The following RAB5A variants were observed in gnomAD, a reference collection of about 807,000 sequenced individuals.
RAB5A encodes RAB5A, member RAS oncogene family.
Under a neutral mutation model 25.7 loss-of-function variants are expected in RAB5A, and 8 were observed. The observed-to-expected ratio is 0.31, with a 90% CI of 0.18 to 0.56. The LOEUF (loss-of-function observed/expected upper bound fraction) is 0.56. Ranked by LOEUF, RAB5A falls within the 20% of genes least tolerant of loss-of-function variation. RAB5A has a pLI of 0.91. For synonymous variants in RAB5A, 98 were observed against 89.8 expected (o/e 1.09, Z -0.52); for missense variants, 192 against 259.7 (o/e 0.74, Z 1.79).
At chr3:19,969,034 TTTTTTTTTTGG>T (rs761124858) in intron 2 of RAB5A, among the ~76,000 whole-genome samples, 46 of 96,056 alleles carry the variant, frequency 4.8e-4, no homozygotes, top group African/African-American at 2.4e-3. Context: ...GGTTTTGGTT[TTTTTTTTTTGG>T]TTTTTTTTTT....
chr3:19,965,299 A>G (rs545635778), intron 2 of RAB5A, among the ~76,000 whole-genome samples: 12 of 152,058 alleles, frequency 7.9e-5, no homozygotes, highest in African/African-American at 2.7e-4. Context: ...GTGTGTGCCT[A>G]TAGTCCCAAC....
In RAB5A at chr3:19,975,905, A is replaced by C. The variant is rs973711759; in HGVS notation, c.316-142A>C. The C allele has an allele frequency of 1.5e-5, 21 of 1,364,370 alleles. 1 individual carries two copies. Among genetic ancestry groups the C allele is most frequent in the Admixed American group, 2.6e-5 (1 of 38,278 alleles). 84.5% of individuals were successfully genotyped at this position (1,364,370 alleles called of 1,614,324 possible). ...TTAGAAAATCTGGTTTTAAAAAAAA[A>C]CGAAAATGTCTCATAATACAATAGT... On this transcript the variant is annotated intron_variant, in intron 3 of 5. Coordinates refer to ENST00000273047, the MANE Select transcript of RAB5A (RefSeq NM_004162.5).
rs1158272289 is a variant in RAB5A, at chr3:19,983,923, G to T, written c.*100G>T. 15 of 792,138 alleles carry T rather than the reference G, an allele frequency of 1.9e-5. No individual in the cohort carries two copies. The highest frequency in any genetic ancestry group is 3.1e-5 in the Non-Finnish European group (15 of 489,140). The allele number at this position is 792,138 out of a possible 1,614,324, so 49.1% of individuals were successfully genotyped here. A position where few individuals can be genotyped will look rare whatever the true frequency, so the allele number is the denominator to read the frequency against. ...CAGCCCAGTATGACTTCCAAAAGAA[G>T]AGACTTATGATAGAGTCAAGTTTCT... On this transcript the variant is annotated 3_prime_UTR_variant, in exon 6 of 6. Transcript: ENST00000273047.
intron 2 of RAB5A, among the ~76,000 whole-genome samples, chr3:19,955,016 T>C (rs6778866): frequency 0.2 from 30,975 of 152,112 alleles, 3,833 homozygotes; most frequent in African/African-American, 0.34. Flanking sequence ...CAGGGAGCAG[T>C]AGGCTCAGAG....
intron 4 of RAB5A, 86 bp from the exon 5 acceptor site, chr3:19,978,224 C>A (rs967099253): frequency 8.1e-6 from 7 of 868,252 alleles, no homozygotes; most frequent in Middle Eastern, 2.8e-4. Context: ...ATAAGAAAGT[C>A]TCCTTTTCTA....
At chr3:19,949,858 A>G in intron 1 of RAB5A, among the ~76,000 whole-genome samples, 1 of 151,856 alleles carries the variant, frequency 6.6e-6, no homozygotes. Flanking sequence ...CATCCTGGGC[A>G]ACATAGCAGT....
intron 4 of RAB5A, among the ~76,000 whole-genome samples, chr3:19,976,904 A>G (rs1199101751): frequency 6.6e-6 from 1 of 152,200 alleles, no homozygotes; most frequent in African/African-American, 2.4e-5. Context: ...AGGTTCTGCC[A>G]ATCTGTATCC....
rs576903768 is a variant in RAB5A, at chr3:19,958,854, G to A, written c.163+7793G>A. 3.3e-5 allele frequency among the ~76,000 whole-genome samples: 5 copies of A among 152,090 alleles called. No individual in the cohort carries two copies. The East Asian group carries it at 7.7e-4, about 24-fold the overall frequency. On this transcript the variant is annotated intron_variant, in intron 2 of 5. Coordinates refer to ENST00000273047, the MANE Select transcript of RAB5A (RefSeq NM_004162.5). Reference sequence around the variant, plus strand: ...TAGGGGAGACTGAGACATGAGAATTGCTTCAACCTGGGAGGCGGAGGTTGC... The same window carrying A: ...TAGGGGAGACTGAGACATGAGAATTACTTCAACCTGGGAGGCGGAGGTTGC...
chr3:19,980,353 T>G (rs1333927845), intron 5 of RAB5A, among the ~76,000 whole-genome samples: 2 of 152,224 alleles, frequency 1.3e-5, no homozygotes, highest in African/African-American at 4.8e-5. Context: ...GTTTTTTGTT[T>G]TTTTCTGAAA....
chr3:19,972,885 C>A (rs903014345), intron 2 of RAB5A, among the ~76,000 whole-genome samples: 2 of 152,146 alleles, frequency 1.3e-5, no homozygotes, highest in African/African-American at 4.8e-5. Context: ...GGCAACATCT[C>A]TAATACAGTT....
intron 1 of RAB5A, among the ~76,000 whole-genome samples, chr3:19,950,045 A>T (rs539877598): frequency 5.9e-5 from 9 of 152,300 alleles, no homozygotes; most frequent in Non-Finnish European, 7.3e-5. Flanking sequence ...CTCCAAAAAA[A>T]TTTTTTTAAA....
At chr3:19,959,702 T>C (rs6550237) in intron 2 of RAB5A, among the ~76,000 whole-genome samples, 1 of 149,376 alleles carries the variant, frequency 6.7e-6, no homozygotes, top group Non-Finnish European at 1.5e-5. Context: ...ATCATGGCTC[T>C]CTGCAGCCTC....
intron 2 of RAB5A, among the ~76,000 whole-genome samples, chr3:19,974,729 A>AAAAAAAAAG (rs1359558772): frequency 7.9e-5 from 12 of 151,702 alleles, no homozygotes; most frequent in African/African-American, 2.2e-4. Flanking sequence ...TCAGAAAAAG[A>AAAAAAAAAG]AAAAAAAAGA....
At chr3:19,971,210 A>AAC (rs571128078) in intron 2 of RAB5A, among the ~76,000 whole-genome samples, 1 of 106,308 alleles carries the variant, frequency 9.4e-6, no homozygotes, top group Non-Finnish European at 2.4e-5. Context: ...AAAAAAAAAA[A>AAC]AAAAACACTA....
Position 19,975,615 on chromosome 3 carries a change from C to G in RAB5A, c.178C>G (p.Gln60Glu), listed in dbSNP as rs1696814228. Residue 60 changes from glutamine (Q) to glutamate (E), a missense_variant, in exon 3 of 6, where the codon CAA becomes GAA. Gln to Glu is a conservative substitution (Grantham distance 29, BLOSUM62 2). Coordinates refer to ENST00000273047, the MANE Select transcript of RAB5A (RefSeq NM_004162.5). Reference sequence around the variant, plus strand: ...TTTTCTTTCAGCTGCTTTTCTAACCCAAACTGTATGTCTTGATGACACTAC... The same window carrying G: ...TTTTCTTTCAGCTGCTTTTCTAACCGAAACTGTATGTCTTGATGACACTAC... ...ESTIGAAFLT[Q>E]TVCLDDTTVK... The G allele has an allele frequency of 1.2e-6, 2 of 1,609,924 alleles. No homozygotes were observed. The highest frequency in any genetic ancestry group is 1.7e-6 in the Non-Finnish European group (2 of 1,178,916).
intron 5 of RAB5A, among the ~76,000 whole-genome samples, chr3:19,979,424 C>T (rs975728417): frequency 7.2e-5 from 11 of 151,788 alleles, no homozygotes; most frequent in African/African-American, 2.4e-4. Context: ...GCTGGGACTA[C>T]AGGCACCCAC....
intron 2 of RAB5A, among the ~76,000 whole-genome samples, chr3:19,955,865 C>T (rs1018578619): frequency 4.6e-5 from 7 of 152,070 alleles, no homozygotes; most frequent in African/African-American, 1.4e-4. Flanking sequence ...CCATTGCACT[C>T]CAGCCTGGGT....
At chr3:19,972,716 G>C (rs958381447) in intron 2 of RAB5A, among the ~76,000 whole-genome samples, 1 of 152,100 alleles carries the variant, frequency 6.6e-6, no homozygotes, top group Non-Finnish European at 1.5e-5. Context: ...TAATAGTTTT[G>C]TATTTCTGAA....
intron 4 of RAB5A, 102 bp from the exon 5 acceptor site, chr3:19,978,208 G>C: frequency 9.0e-6 from 7 of 778,310 alleles, no homozygotes; most frequent in Non-Finnish European, 1.6e-5. Context: ...GAATCAGGTT[G>C]TAGTAATAAG....
Sources: gnomAD v4.1 joint callset for allele counts (sites outside exome capture counted in the v4.1 genomes callset) on GRCh38, gnomAD v4.1.1 for gene constraint, MANE v1.5 for transcripts, NCBI Gene and HGNC (gene_info 2026-07-23, HGNC 2026-07-21) for gene names.